Variants in HIPK2 observed in about 807,000 individuals in gnomAD.
HIPK2 encodes homeodomain interacting protein kinase 2.
A neutral mutation model predicts 113.7 loss-of-function variants in HIPK2; 27 were observed. The observed-to-expected ratio is 0.24, with a 90% confidence interval of 0.17 to 0.33. The LOEUF (loss-of-function observed/expected upper bound fraction) is 0.33, where lower values mean the gene tolerates loss of function less well. Ranked by LOEUF, HIPK2 falls within the 10% of genes least tolerant of loss-of-function variation. The probability of loss-of-function intolerance (pLI) is 1.00; values close to 1 mark genes in which losing one functional copy is unlikely to be tolerated. For missense variants in HIPK2, 1,257 were observed against 1,588.0 expected, an observed-to-expected ratio of 0.79 and a Z score of 3.54; for synonymous variants, 631 against 642.2, an observed-to-expected ratio of 0.98 and a Z score of 0.26.
intron 5 of HIPK2, 25 bp downstream of exon 5, chr7:139,628,928 T>C (rs766282157): frequency 6.4e-7 from 1 of 1,574,028 alleles, no homozygotes; most frequent in Non-Finnish European, 8.6e-7. Flanking sequence ...AGGGCTTACG[T>C]TGCATACTCA....
intron 6 of HIPK2, among the ~76,000 whole-genome samples, chr7:139,625,845 G>A (rs1314860602): frequency 6.6e-6 from 1 of 152,210 alleles, no homozygotes; most frequent in Non-Finnish European, 1.5e-5. Flanking sequence ...CCGGCACACA[G>A]CACGCTGAAG....
intron 2 of HIPK2, among the ~76,000 whole-genome samples, chr7:139,673,116 T>A (rs954376645): frequency 1.9e-4 from 28 of 151,070 alleles, no homozygotes; most frequent in Non-Finnish European, 3.4e-4. Flanking sequence ...TTTTTTTTTT[T>A]AATGAAAAAG....
rs1404130743 is a variant in HIPK2, at chr7:139,571,924, G to A, written c.*1003C>T. On this transcript the variant is annotated 3_prime_UTR_variant, in exon 15 of 15. Transcript: ENST00000406875. ...ACCCGCACACCTGCACCGCCACATT[G>A]GTTACATGCCTATGTTATATCGCTT... is the stretch of plus-strand genomic sequence containing the variant. 3 of 152,216 alleles carry A rather than the reference G, an allele frequency of 2.0e-5. No homozygotes were observed. Among genetic ancestry groups the A allele is most frequent in the African/African-American group, 7.2e-5 (3 of 41,450 alleles). The allele number at this position is 152,216 out of a possible 1,614,324, so 9.4% of individuals were successfully genotyped here.
chr7:139,563,721 CAA>C lies in HIPK2; in HGVS notation c.*9204_*9205del, dbSNP rs1798012656. ...AACTATTTTACAGTAACATTTCCACCAAAAGACTGTCCTAAGAACACGCTGTC... is the reference window on the plus strand; with the variant it reads ...AACTATTTTACAGTAACATTTCCACCAAGACTGTCCTAAGAACACGCTGTC... On this transcript the variant is annotated 3_prime_UTR_variant, in exon 15 of 15. Coordinates refer to ENST00000406875, the MANE Select transcript of HIPK2 (RefSeq NM_022740.5). The C allele has an allele frequency of 5.0e-6, 2 of 397,766 alleles. No individual in the cohort carries two copies. Among genetic ancestry groups the C allele is most frequent in the Non-Finnish European group, 8.9e-6 (2 of 225,932 alleles). 24.6% of individuals were successfully genotyped at this position (397,766 alleles called of 1,614,324 possible).
At position 139,614,767 on chromosome 7, in the gene HIPK2, G is replaced by A. The variant is rs568763244; in HGVS notation, c.1783-274C>T. Among the ~76,000 whole-genome samples the A allele has an allele frequency of 7.2e-5, 11 of 152,306 alleles. No individual in the cohort carries two copies. The East Asian group carries it at 1.5e-3, about 21-fold the overall frequency. On this transcript the variant is annotated intron_variant, in intron 7 of 14. Coordinates refer to ENST00000406875, the MANE Select transcript of HIPK2 (RefSeq NM_022740.5). ...GTGAGGCCCAGACAAGAGGACACAC[G>A]GATGCCTGCTACCATGTCTAAATGC... is the stretch of plus-strand genomic sequence containing the variant.
At chr7:139,723,808 C>G (rs1795489499) in intron 1 of HIPK2, among the ~76,000 whole-genome samples, 1 of 152,240 alleles carries the variant, frequency 6.6e-6, no homozygotes, top group Admixed American at 6.5e-5. Flanking sequence ...AATAGTGGCA[C>G]CAATTTTATC....
At chr7:139,607,949 T>C (rs949132804) in intron 9 of HIPK2, among the ~76,000 whole-genome samples, 1 of 152,112 alleles carries the variant, frequency 6.6e-6, no homozygotes, top group Non-Finnish European at 1.5e-5. Flanking sequence ...TTAAAAATTA[T>C]CGTTATGGCC....
intron 7 of HIPK2, among the ~76,000 whole-genome samples, chr7:139,614,756 A>G (rs532135149): frequency 3.9e-5 from 6 of 152,338 alleles, no homozygotes; most frequent in African/African-American, 1.2e-4. Flanking sequence ...GGCCCAGACA[A>G]GAGGACACAC....
chr7:139,732,006 T>C (rs1481800743), intron 1 of HIPK2, among the ~76,000 whole-genome samples: 2 of 151,412 alleles, frequency 1.3e-5, no homozygotes, highest in Non-Finnish European at 2.9e-5. Flanking sequence ...GTGGGGAAAG[T>C]TGGCACGGAT....
At chr7:139,729,324 T>TGAGA (rs71170912) in intron 1 of HIPK2, among the ~76,000 whole-genome samples, 1,404 of 69,098 alleles carry the variant, frequency 0.02, 38 homozygotes, top group East Asian at 0.043. Flanking sequence ...ACCCTGTCTC[T>TGAGA]GAGAGAGAGA....
intron 13 of HIPK2, among the ~76,000 whole-genome samples, chr7:139,577,140 CTTTTTTTTTTTTTTTT>C (rs966966045): frequency 1.1e-5 from 1 of 91,434 alleles, no homozygotes; most frequent in African/African-American, 4.3e-5. Context: ...ACTGGGCTTC[CTTTTTTTTTTTTTTTT>C]TTTTTTTTTG....
In HIPK2 at chr7:139,572,822, G is replaced by A. The variant is rs1185639061; in HGVS notation, c.*105C>T. The A allele has an allele frequency of 4.4e-6, 2 of 453,646 alleles. No individual in the cohort carries two copies. Among genetic ancestry groups the A allele is most frequent in the Non-Finnish European group, 6.7e-6 (2 of 298,004 alleles). 28.1% of individuals were successfully genotyped at this position (453,646 alleles called of 1,614,324 possible). ...GCATTGTTTGTGTGCGGCATCTTCA[G>A]TATAAAAGGCCAGCGCCCACGGTCC... On this transcript the variant is annotated 3_prime_UTR_variant, in exon 15 of 15. Coordinates refer to ENST00000406875, the MANE Select transcript of HIPK2 (RefSeq NM_022740.5).
chr7:139,745,710 C>T (rs1170608325), intron 1 of HIPK2, among the ~76,000 whole-genome samples: 2 of 152,144 alleles, frequency 1.3e-5, no homozygotes, highest in Non-Finnish European at 2.9e-5. Context: ...TCACCTTCCA[C>T]ACCCCCCTCA....
rs1205979761 is a variant in HIPK2, at chr7:139,565,902, AT to A, written c.*7024del. On this transcript the variant is annotated 3_prime_UTR_variant, in exon 15 of 15. Transcript: ENST00000406875. Reference sequence around the variant, plus strand: ...AGTAAAAAATAGCATTTTGAAAAAAATATATACCTTTAGTATTGCCTTTCTA... The same window carrying A: ...AGTAAAAAATAGCATTTTGAAAAAAAATATACCTTTAGTATTGCCTTTCTA... The A allele has an allele frequency of 1.3e-5, 2 of 152,176 alleles. No homozygotes were observed. Among genetic ancestry groups the A allele is most frequent in the African/African-American group, 4.8e-5 (2 of 41,450 alleles). 9.4% of individuals were successfully genotyped at this position (152,176 alleles called of 1,614,324 possible).
intron 2 of HIPK2, among the ~76,000 whole-genome samples, chr7:139,699,998 C>T (rs1026889141): frequency 1.8e-4 from 27 of 152,302 alleles, no homozygotes; most frequent in Admixed American, 1.3e-3. Context: ...ATCATTGCCT[C>T]GGACAGAATG....
chr7:139,597,722 A>C (rs1278494492), intron 11 of HIPK2, among the ~76,000 whole-genome samples: 2 of 152,228 alleles, frequency 1.3e-5, no homozygotes, highest in Non-Finnish European at 2.9e-5. Flanking sequence ...AGAGTTTTGA[A>C]AAAGCACTCT....
intron 1 of HIPK2, among the ~76,000 whole-genome samples, chr7:139,749,803 G>A (rs1319059067): frequency 1.3e-5 from 2 of 152,112 alleles, no homozygotes; most frequent in Non-Finnish European, 2.9e-5. Flanking sequence ...TATCCGCCAC[G>A]CCGCACAACA....
Position 139,714,109 on chromosome 7 carries a change from A to G in HIPK2, c.1103+1823T>C, listed in dbSNP as rs1262138784. Among the ~76,000 whole-genome samples, 1 of 152,188 alleles carries G rather than the reference A, an allele frequency of 6.6e-6. No homozygotes were observed. On this transcript the variant is annotated intron_variant, in intron 2 of 14. Transcript: ENST00000406875. The surrounding 1 kb of genome is among the most constrained non-coding windows in gnomAD (Gnocchi z 4.2). ...GGAGAGCAAGTGGAGGGGCAGCAGT[A>G]GACCCGTCTGTCCGCACGGGGCCTG...
chr7:139,770,420 G>A (rs1796629247), intron 1 of HIPK2, among the ~76,000 whole-genome samples: 1 of 152,174 alleles, frequency 6.6e-6, no homozygotes, highest in South Asian at 2.1e-4. Context: ...TATAGAGCTG[G>A]CTTCTTATCA....
Sources: allele counts gnomAD v4.1 joint callset (sites outside exome capture counted in the v4.1 genomes callset), GRCh38; gene constraint gnomAD v4.1.1; non-coding constraint Gnocchi (gnomAD v3.1); transcripts MANE v1.5; gene names NCBI Gene and HGNC (gene_info 2026-07-23, HGNC 2026-07-21).